Variants in ZFPM2 observed in about 807,000 individuals in gnomAD.
The protein encoded by ZFPM2 is zinc finger protein, FOG family member 2, also known as zinc finger protein ZFPM2.
A neutral mutation model predicts 98.6 loss-of-function variants in ZFPM2; 20 were observed. The observed-to-expected ratio is 0.20, with a 90% CI of 0.14 to 0.29. ZFPM2 has a LOEUF of 0.29. ZFPM2 is among the 10% of genes least tolerant of loss of function. The pLI is 1.00. For synonymous variants in ZFPM2, 518 were observed against 502.7 expected, an observed-to-expected ratio of 1.03 and a Z score of -0.41; for missense variants, 1,310 against 1,388.6, an observed-to-expected ratio of 0.94 and a Z score of 0.90.
chr8:105,603,717 A>T (rs1397061374), intron 4 of ZFPM2, among the ~76,000 whole-genome samples: 2 of 151,930 alleles, frequency 1.3e-5, no homozygotes, highest in Admixed American at 6.6e-5. Context: ...AAGTTAGTTG[A>T]CCTCTCTCAA....
chr8:105,601,923 G>A (rs1816101291), intron 4 of ZFPM2, among the ~76,000 whole-genome samples: 1 of 152,000 alleles, frequency 6.6e-6, no homozygotes, highest in Admixed American at 6.6e-5. Context: ...GAATTCACTG[G>A]GCCTCAAGAT....
intron 1 of ZFPM2, among the ~76,000 whole-genome samples, chr8:105,402,721 A>G (rs1468042780): frequency 6.6e-6 from 1 of 151,990 alleles, no homozygotes; most frequent in African/African-American, 2.4e-5. Context: ...TGACATTTAT[A>G]AAAAAAATCC....
At chr8:105,543,985 T>A (rs1371988879) in intron 3 of ZFPM2, among the ~76,000 whole-genome samples, 1 of 152,180 alleles carries the variant, frequency 6.6e-6, no homozygotes, top group Non-Finnish European at 1.5e-5. Context: ...ATGGAAGACA[T>A]GAACAATTCT....
chr8:105,688,307 G>A lies in ZFPM2; in HGVS notation c.532+53950G>A, dbSNP rs565081592. Reference sequence around the variant, plus strand: ...CAAATTTACAAGCTGCTTATGACATGTTTAAGTCATAATGAAGAAAATAGT... The same window carrying A: ...CAAATTTACAAGCTGCTTATGACATATTTAAGTCATAATGAAGAAAATAGT... On this transcript the variant is annotated intron_variant, in intron 5 of 7. Transcript: ENST00000407775. Among the ~76,000 whole-genome samples the A allele has an allele frequency of 2.6e-4, 39 of 152,112 alleles. No homozygotes were observed. In the South Asian group the frequency reaches 7.9e-3, roughly 31 times the overall value.
At chr8:105,660,466 T>A (rs1817366218) in intron 5 of ZFPM2, among the ~76,000 whole-genome samples, 1 of 152,104 alleles carries the variant, frequency 6.6e-6, no homozygotes, top group Non-Finnish European at 1.5e-5. Flanking sequence ...GCCCCACCAA[T>A]GGATTAAAGC....
intron 3 of ZFPM2, among the ~76,000 whole-genome samples, chr8:105,486,207 C>T (rs1433958608): frequency 6.6e-6 from 1 of 152,118 alleles, no homozygotes; most frequent in East Asian, 1.9e-4. Flanking sequence ...ACTCAGTAAG[C>T]ATCTTATTGG....
In ZFPM2 at chr8:105,318,845, AGCG is replaced by A. The variant is rs1191717920; in HGVS notation, c.-71_-69del. 2,415 of 321,184 alleles carry A rather than the reference AGCG, an allele frequency of 7.5e-3. No individual in the cohort carries two copies. The highest frequency in any genetic ancestry group is 8.8e-3 in the Non-Finnish European group (2,290 of 259,776). 19.9% of individuals were successfully genotyped at this position (321,184 alleles called of 1,614,324 possible). On this transcript the variant is annotated 5_prime_UTR_variant, in exon 1 of 8. Coordinates refer to ENST00000407775, the MANE Select transcript of ZFPM2 (RefSeq NM_012082.4). ...GGCCGGCGGCGGGCCGAGCCTGGCC[AGCG>A]GCGGCGGCGGCGGCGGCGGCGGCGG... is the stretch of plus-strand genomic sequence containing the variant.
chr8:105,408,980 G>T (rs1229350136), intron 1 of ZFPM2, among the ~76,000 whole-genome samples: 1 of 151,852 alleles, frequency 6.6e-6, no homozygotes, highest in African/African-American at 2.4e-5. Context: ...ACTACACTTG[G>T]TTTGTGCATG....
intron 5 of ZFPM2, among the ~76,000 whole-genome samples, chr8:105,668,609 G>A (rs1817530224): frequency 6.6e-6 from 1 of 152,126 alleles, no homozygotes; most frequent in Non-Finnish European, 1.5e-5. Flanking sequence ...TTATAAAATA[G>A]CTGGATTTAT....
intron 3 of ZFPM2, among the ~76,000 whole-genome samples, chr8:105,481,788 T>G (rs954590399): frequency 6.6e-6 from 1 of 152,192 alleles, no homozygotes; most frequent in Admixed American, 6.5e-5. Flanking sequence ...TGACCTCTAC[T>G]GAGGCCAGAC....
intron 3 of ZFPM2, among the ~76,000 whole-genome samples, chr8:105,534,392 C>CCCTTCCTAACTTTCCTTCCTT (rs1814403590): frequency 7.0e-6 from 1 of 143,060 alleles, no homozygotes; most frequent in African/African-American, 2.6e-5. Flanking sequence ...CTTCCTTCCT[C>CCCTTCCTAACTTTCCTTCCTT]CCTTCCTACC....
At chr8:105,520,049 A>T (rs747666484) in intron 3 of ZFPM2, among the ~76,000 whole-genome samples, 1 of 152,144 alleles carries the variant, frequency 6.6e-6, no homozygotes, top group Non-Finnish European at 1.5e-5. Flanking sequence ...TTTTGTTAGG[A>T]ACAGAAATAT....
intron 3 of ZFPM2, among the ~76,000 whole-genome samples, chr8:105,450,885 A>C (rs1812471793): frequency 6.6e-6 from 1 of 152,122 alleles, no homozygotes; most frequent in South Asian, 2.1e-4. Context: ...TCTTTGTAGA[A>C]CAGAATGCCA....
intron 5 of ZFPM2, among the ~76,000 whole-genome samples, chr8:105,749,071 T>G (rs1306119236): frequency 6.6e-6 from 1 of 152,056 alleles, no homozygotes; most frequent in African/African-American, 2.4e-5. Context: ...TTCCTTTAGT[T>G]CTCTTTTCCA....
chr8:105,322,451 CTTTT>C (rs11303818), intron 1 of ZFPM2, among the ~76,000 whole-genome samples: 2 of 125,234 alleles, frequency 1.6e-5, no homozygotes, highest in Non-Finnish European at 1.7e-5. Flanking sequence ...GTGGACATCA[CTTTT>C]TTTTTTTTTT....
chr8:105,498,365 T>G (rs1481095915), intron 3 of ZFPM2, among the ~76,000 whole-genome samples: 1 of 152,228 alleles, frequency 6.6e-6, no homozygotes, highest in Admixed American at 6.5e-5. Context: ...TGATTCTTTT[T>G]TAATTAATTT....
At chr8:105,560,522 C>T (rs1373404590) in intron 3 of ZFPM2, among the ~76,000 whole-genome samples, 1 of 149,658 alleles carries the variant, frequency 6.7e-6, no homozygotes, top group Non-Finnish European at 1.5e-5. Context: ...GCTGCAAGTC[C>T]TGATTGTGAT....
chr8:105,488,796 C>G (rs986298376), intron 3 of ZFPM2, among the ~76,000 whole-genome samples: 2 of 151,904 alleles, frequency 1.3e-5, no homozygotes, highest in African/African-American at 2.4e-5. Flanking sequence ...GTAACTGGCC[C>G]AAAGTAAAAG....
intron 5 of ZFPM2, among the ~76,000 whole-genome samples, chr8:105,706,853 T>A (rs1178911719): frequency 6.6e-6 from 1 of 152,216 alleles, no homozygotes; most frequent in Non-Finnish European, 1.5e-5. Context: ...GTGCTGGGAT[T>A]ACAGGCGTGA....
Sources: gnomAD v4.1 joint callset for allele counts (sites outside exome capture counted in the v4.1 genomes callset) on GRCh38, gnomAD v4.1.1 for gene constraint, MANE v1.5 for transcripts, NCBI Gene and HGNC (gene_info 2026-07-23, HGNC 2026-07-21) for gene names.